Variants in CDH13 observed in about 807,000 individuals in gnomAD.
CDH13 encodes the protein cadherin 13, also known as cadherin-13.
CDH13 carries 24 observed loss-of-function variants against 63.8 expected under a neutral mutation model. That is an observed-to-expected ratio of 0.38 (90% CI 0.27 to 0.53). The LOEUF (loss-of-function observed/expected upper bound fraction) is 0.53. CDH13 is among the 20% of genes least tolerant of loss of function. The probability of loss-of-function intolerance (pLI) is 0.85; values close to 1 mark genes in which losing one functional copy is unlikely to be tolerated. For missense variants in CDH13, 1,049 were observed against 903.1 expected (o/e 1.16, Z -2.07); for synonymous variants, 503 against 355.3 (o/e 1.42, Z -4.67).
intron 2 of CDH13, among the ~76,000 whole-genome samples, chr16:82,899,384 C>G (rs2041380758): frequency 6.6e-6 from 1 of 152,134 alleles, no homozygotes; most frequent in Non-Finnish European, 1.5e-5. Flanking sequence ...ATGGTTTACG[C>G]AAAAGCCATG....
intron 7 of CDH13, among the ~76,000 whole-genome samples, chr16:83,559,786 G>C (rs1345015898): frequency 2.6e-5 from 4 of 152,160 alleles, no homozygotes; most frequent in Non-Finnish European, 5.9e-5. Context: ...AAAGAACAGG[G>C]ATTGGAAGCC....
intron 1 of CDH13, among the ~76,000 whole-genome samples, chr16:82,727,251 C>A (rs16958355): frequency 0.011 from 1,676 of 152,190 alleles, 36 homozygotes; most frequent in African/African-American, 0.039. Context: ...TGGGGGCATC[C>A]CTGTTGTATT....
At chr16:83,492,061 G>A (rs2074026111) in intron 7 of CDH13, among the ~76,000 whole-genome samples, 1 of 152,192 alleles carries the variant, frequency 6.6e-6, no homozygotes, top group Non-Finnish European at 1.5e-5. Context: ...GAATTTGGAT[G>A]TGTAGCTGCA....
intron 4 of CDH13, chr16:83,180,944 A>T (rs2038330400): frequency 3.3e-6 from 5 of 1,532,208 alleles, no homozygotes; most frequent in Non-Finnish European, 4.4e-6. Context: ...CATGCATTAC[A>T]ATTTTAGCAA....
At chr16:82,905,186 G>A (rs1316303211) in intron 2 of CDH13, among the ~76,000 whole-genome samples, 5 of 152,194 alleles carry the variant, frequency 3.3e-5, no homozygotes, top group African/African-American at 1.2e-4. Context: ...TTAGACGGGA[G>A]AAAGAGCTTG....
intron 3 of CDH13, among the ~76,000 whole-genome samples, chr16:83,050,652 C>G (rs1252998640): frequency 6.6e-6 from 1 of 152,044 alleles, no homozygotes; most frequent in Non-Finnish European, 1.5e-5. Context: ...AGCATGTCTC[C>G]AAATTTATAG....
At chr16:83,529,081 ATACCTC>A (rs2075025597) in intron 7 of CDH13, among the ~76,000 whole-genome samples, 1 of 138,952 alleles carries the variant, frequency 7.2e-6, no homozygotes, top group East Asian at 2.1e-4. Flanking sequence ...CTCCCCATGA[ATACCTC>A]TGTCTTTTTT....
intron 2 of CDH13, among the ~76,000 whole-genome samples, chr16:82,995,515 G>A (rs1045118280): frequency 6.6e-6 from 1 of 152,132 alleles, no homozygotes; most frequent in African/African-American, 2.4e-5. Flanking sequence ...GAGATGGCAT[G>A]GCAACAGGAT....
intron 1 of CDH13, among the ~76,000 whole-genome samples, chr16:82,635,517 T>C (rs1406409301): frequency 6.6e-6 from 1 of 152,144 alleles, no homozygotes; most frequent in Non-Finnish European, 1.5e-5. Flanking sequence ...ATTGGTGTTT[T>C]TCTCAGAGCA....
At chr16:83,328,605 G>A (rs2090419690) in intron 5 of CDH13, among the ~76,000 whole-genome samples, 1 of 152,192 alleles carries the variant, frequency 6.6e-6, no homozygotes, top group East Asian at 1.9e-4. Context: ...CTGGGTAAGA[G>A]ATGGTGGCTT....
At chr16:83,607,308 T>C (rs1908436889) in intron 8 of CDH13, among the ~76,000 whole-genome samples, 1 of 151,870 alleles carries the variant, frequency 6.6e-6, no homozygotes, top group South Asian at 2.1e-4. Flanking sequence ...TAATCCTAGC[T>C]ACTTGGGAGG....
intron 1 of CDH13, among the ~76,000 whole-genome samples, chr16:82,808,583 C>T (rs1328330837): frequency 6.6e-6 from 1 of 152,162 alleles, no homozygotes; most frequent in Non-Finnish European, 1.5e-5. Flanking sequence ...GGCTCTTTTT[C>T]TGCCCTTGCA....
At chr16:83,207,393 T>C (rs2039213302) in intron 4 of CDH13, among the ~76,000 whole-genome samples, 1 of 152,236 alleles carries the variant, frequency 6.6e-6, no homozygotes, top group East Asian at 1.9e-4. Flanking sequence ...TTCATTTGTG[T>C]TGCAATAGGT....
chr16:83,266,966 G>A (rs1907698212), intron 5 of CDH13, among the ~76,000 whole-genome samples: 1 of 152,072 alleles, frequency 6.6e-6, no homozygotes, highest in Non-Finnish European at 1.5e-5. Flanking sequence ...TGTTCTGATT[G>A]CAAATGACAG....
chr16:83,629,281 A>G (rs1242018226), intron 8 of CDH13, among the ~76,000 whole-genome samples: 12 of 152,226 alleles, frequency 7.9e-5, no homozygotes, highest in Non-Finnish European at 1.5e-4. Flanking sequence ...TAAGATTTTA[A>G]AAATATATTT....
intron 8 of CDH13, among the ~76,000 whole-genome samples, chr16:83,659,666 C>G (rs924163331): frequency 1.3e-5 from 2 of 152,004 alleles, no homozygotes; most frequent in African/African-American, 4.8e-5. Flanking sequence ...AATGTGTAGT[C>G]AGGGTTAAGA....
At chr16:82,970,948 G>A (rs1908651714) in intron 2 of CDH13, among the ~76,000 whole-genome samples, 1 of 152,112 alleles carries the variant, frequency 6.6e-6, no homozygotes, top group Non-Finnish European at 1.5e-5. Flanking sequence ...TTTGTTGAAT[G>A]TACAAATAAA....
intron 2 of CDH13, among the ~76,000 whole-genome samples, chr16:82,957,981 C>G (rs1443826593): frequency 1.3e-5 from 2 of 152,208 alleles, no homozygotes; most frequent in African/African-American, 4.8e-5. Flanking sequence ...TCACTTTCTT[C>G]TTAATGTACT....
intron 1 of CDH13, among the ~76,000 whole-genome samples, chr16:82,734,890 C>A (rs1231609169): frequency 6.6e-6 from 1 of 152,172 alleles, no homozygotes; most frequent in East Asian, 1.9e-4. Flanking sequence ...GCACTCCCAG[C>A]AGCTGGTGCC....
Sources: gnomAD v4.1 joint callset for allele counts (sites outside exome capture counted in the v4.1 genomes callset) on GRCh38, gnomAD v4.1.1 for gene constraint, MANE v1.5 for transcripts, NCBI Gene and HGNC (gene_info 2026-07-23, HGNC 2026-07-21) for gene names.